Variants in TMCO4 observed in about 807,000 individuals in gnomAD.
The protein encoded by TMCO4 is transmembrane and coiled-coil domain-containing protein 4.
In TMCO4, 58 loss-of-function variants were observed where a neutral mutation model predicts 64.7. The observed-to-expected ratio is 0.90, with a 90% CI of 0.73 to 1.12. The LOEUF is 1.12. TMCO4 is among the 50% of genes most tolerant of loss of function. TMCO4 has a pLI of 0.00. For synonymous variants in TMCO4, 325 were observed against 346.1 expected, an observed-to-expected ratio of 0.94 and a Z score of 0.68; for missense variants, 780 against 825.9, an observed-to-expected ratio of 0.94 and a Z score of 0.68.
intron 13 of TMCO4, among the ~76,000 whole-genome samples, chr1:19,736,820 G>A (rs1484929093): frequency 1.3e-5 from 2 of 152,202 alleles, no homozygotes; most frequent in East Asian, 1.9e-4. Context: ...CTGTGAATGC[G>A]ACCTCATCTG....
At chr1:19,780,816 T>C in intron 3 of TMCO4, 50 bp from the exon 4 acceptor site, 1 of 1,445,718 alleles carries the variant, frequency 6.9e-7, no homozygotes, top group Non-Finnish European at 9.2e-7. Flanking sequence ...TAAGCCAAGG[T>C]TACTTAAGCA....
At chr1:19,760,461 A>G (rs773542474) in intron 6 of TMCO4, among the ~76,000 whole-genome samples, 5 of 152,182 alleles carry the variant, frequency 3.3e-5, no homozygotes, top group Non-Finnish European at 7.3e-5. Flanking sequence ...ACTGTCACCC[A>G]GGATGGAGTG....
chr1:19,755,621 G>A lies in TMCO4; in HGVS notation c.515+13C>T, dbSNP rs376564291. On this transcript the variant is annotated intron_variant, in intron 7 of 15. Coordinates refer to ENST00000294543, the MANE Select transcript of TMCO4 (RefSeq NM_181719.7). The stretch of plus-strand genomic sequence containing the variant: ...ATCCTTGGATCCTGATGGGGGTCGC[G>A]GGGCTCTCTTACTCAGATTCCTCTT... 2.5e-5 allele frequency: 41 copies of A among 1,613,528 alleles called. No homozygotes were observed. In the African/African-American group the frequency reaches 4.7e-4, roughly 18 times the overall value.
intron 6 of TMCO4, 73 bp from the exon 7 acceptor site, chr1:19,755,839 G>T: frequency 6.3e-7 from 1 of 1,575,506 alleles, no homozygotes. Context: ...CAGTGTAACT[G>T]ATAAAACCCA....
chr1:19,716,524 T>C (rs1160517889), intron 13 of TMCO4, among the ~76,000 whole-genome samples: 3 of 151,544 alleles, frequency 2.0e-5, no homozygotes, highest in Non-Finnish European at 1.5e-5. Context: ...GCCACCACTC[T>C]TGGCCAATTT....
At chr1:19,752,776 C>T (rs776953778) in intron 7 of TMCO4, among the ~76,000 whole-genome samples, 1 of 151,838 alleles carries the variant, frequency 6.6e-6, no homozygotes, top group Non-Finnish European at 1.5e-5. Context: ...GCCAGCCATG[C>T]GACCTTGGCT....
rs2095239715 is a variant in TMCO4 at position 19,696,717 on chromosome 1, G to C, written c.1383-2166C>G. On this transcript the variant is annotated intron_variant, in intron 14 of 15. Coordinates refer to ENST00000294543, the MANE Select transcript of TMCO4 (RefSeq NM_181719.7). ...GTCAGGAAATGTTTCCAATACAGCT[G>C]GGTATAAATGAGCAAAGACAGCATC... Among the ~76,000 whole-genome samples the C allele has an allele frequency of 2.0e-5, 3 of 152,100 alleles. No homozygotes were observed. In the South Asian group the frequency reaches 6.2e-4, roughly 32 times the overall value.
chr1:19,780,977 T>C (rs1279404943), intron 3 of TMCO4, among the ~76,000 whole-genome samples: 1 of 152,050 alleles, frequency 6.6e-6, no homozygotes, highest in East Asian at 1.9e-4. Context: ...CAAAGGTCTA[T>C]ACACAGTATC....
chr1:19,776,846 G>A (rs1225044508), intron 4 of TMCO4, among the ~76,000 whole-genome samples: 2 of 152,014 alleles, frequency 1.3e-5, no homozygotes, highest in African/African-American at 2.4e-5. Flanking sequence ...GGCCAACACG[G>A]TGAAACCCCG....
chr1:19,705,538 CAA>C (rs201649957), intron 13 of TMCO4, among the ~76,000 whole-genome samples: 1 of 138,740 alleles, frequency 7.2e-6, no homozygotes, highest in African/African-American at 2.6e-5. Flanking sequence ...AAAAGAATTG[CAA>C]AAAAAAAAAC....
At chr1:19,727,456 T>C (rs758139331) in intron 13 of TMCO4, among the ~76,000 whole-genome samples, 11 of 152,240 alleles carry the variant, frequency 7.2e-5, no homozygotes, top group Non-Finnish European at 1.5e-4. Context: ...ATAAGCTCTG[T>C]GAGGTTGGTG....
At chr1:19,774,913 T>C (rs1379069341) in intron 4 of TMCO4, among the ~76,000 whole-genome samples, 1 of 152,134 alleles carries the variant, frequency 6.6e-6, no homozygotes, top group East Asian at 1.9e-4. Context: ...CCAGAGGCTA[T>C]GCATACCAGC....
At chr1:19,742,523 G>GA (rs1557548820) in intron 10 of TMCO4, among the ~76,000 whole-genome samples, 1 of 152,154 alleles carries the variant, frequency 6.6e-6, no homozygotes, top group Non-Finnish European at 1.5e-5. Flanking sequence ...CCTCTGGGGG[G>GA]ACCCTGTCTC....
chr1:19,685,174 A>C (rs1398350785), intron 15 of TMCO4, among the ~76,000 whole-genome samples: 2 of 152,152 alleles, frequency 1.3e-5, no homozygotes, highest in African/African-American at 4.8e-5. Context: ...AAAAATACAA[A>C]AATTAGCTGG....
chr1:19,780,896 T>C (rs185753493), intron 3 of TMCO4, 130 bp from the exon 4 acceptor site: 458 of 756,492 alleles, frequency 6.1e-4, no homozygotes, highest in Non-Finnish European at 8.7e-4. Context: ...CTTCTTTTCA[T>C]CACCTTTAGG....
chr1:19,745,498 A>AC, intron 10 of TMCO4, 34 bp downstream of exon 10: 1 of 1,605,328 alleles, frequency 6.2e-7, no homozygotes, highest in Admixed American at 1.7e-5. Context: ...ACCACTGCCC[A>AC]CCCCCCTCCA....
chr1:19,753,549 C>T (rs2042112267), intron 7 of TMCO4, among the ~76,000 whole-genome samples: 1 of 152,170 alleles, frequency 6.6e-6, no homozygotes. Context: ...AAAGAGTCAC[C>T]TTGGTCGGCC....
chr1:19,795,639 C>T (rs74427831), intron 2 of TMCO4, among the ~76,000 whole-genome samples: 3,259 of 152,202 alleles, frequency 0.021, 58 homozygotes, highest in Non-Finnish European at 0.034. Context: ...ATCACCCTTC[C>T]ACAGATGGGG....
At chr1:19,695,000 C>T (rs954020583) in intron 14 of TMCO4, among the ~76,000 whole-genome samples, 3 of 152,204 alleles carry the variant, frequency 2.0e-5, no homozygotes, top group African/African-American at 7.2e-5. Flanking sequence ...AGAAGGTCCA[C>T]CTGTGAGGAG....
Sources: allele counts gnomAD v4.1 joint callset (sites outside exome capture counted in the v4.1 genomes callset), GRCh38; gene constraint gnomAD v4.1.1; transcripts MANE v1.5; gene names NCBI Gene and HGNC (gene_info 2026-07-23, HGNC 2026-07-21).